Variants in OGFOD2 observed in about 807,000 individuals in gnomAD.
OGFOD2 encodes 2-oxoglutarate and iron-dependent oxygenase domain-containing protein 2.
A neutral mutation model predicts 31.1 loss-of-function variants in OGFOD2; 34 were observed. That is an observed-to-expected ratio of 1.09 (90% CI 0.83 to 1.45). The LOEUF (loss-of-function observed/expected upper bound fraction) is 1.45, where lower values mean the gene tolerates loss of function less well. Ranked by LOEUF, OGFOD2 falls within the 40% of genes most tolerant of loss-of-function variation. The pLI is 0.00. For synonymous variants in OGFOD2, 240 were observed against 192.3 expected, an observed-to-expected ratio of 1.25 and a Z score of -2.05; for missense variants, 537 against 433.9, an observed-to-expected ratio of 1.24 and a Z score of -2.11.
In OGFOD2 at chr12:122,976,056, C is replaced by G. The variant is rs977319403; in HGVS notation, c.189+189C>G. ...GCACCAGGAGAGAGAAGGGGAAATG[C>G]TAAGTTGCTAAGTTGCCTAGTCATG... On this transcript the variant is annotated intron_variant, in intron 2 of 6. Coordinates refer to ENST00000228922, the Ensembl canonical transcript of OGFOD2. 4.2e-5 allele frequency: 25 copies of G among 599,374 alleles called. No individual in the cohort carries two copies. The Admixed American group carries it at 6.2e-4, about 15-fold the overall frequency. The allele number at this position is 599,374 out of a possible 1,614,324, so 37.1% of individuals were successfully genotyped here. A position where few individuals can be genotyped will look rare whatever the true frequency, so the allele number is the denominator to read the frequency against.
exon 7 of OGFOD2, chr12:122,979,333 G>A (rs2037546812): frequency 1.2e-6 from 2 of 1,608,726 alleles, no homozygotes; most frequent in Non-Finnish European, 1.7e-6. Flanking sequence ...GTGGATGTAT[G>A]TGCGCTCACC....
At chr12:122,976,491 C>A in intron 2 of OGFOD2, 163 bp from the exon 3 acceptor site, 1 of 1,448,218 alleles carries the variant, frequency 6.9e-7, no homozygotes, top group Non-Finnish European at 9.7e-7. Flanking sequence ...TTTCAGCTAA[C>A]AGTCTGGAAC....
intron 2 of OGFOD2, 170 bp from the exon 3 acceptor site, chr12:122,976,484 C>A: frequency 6.7e-7 from 1 of 1,485,050 alleles, no homozygotes; most frequent in Non-Finnish European, 9.4e-7. Context: ...AAGTCCCTTT[C>A]AGCTAACAGT....
At chr12:122,977,793 T>TG (rs2037475768) in intron 4 of OGFOD2, 1 of 155,030 alleles carries the variant, frequency 6.5e-6, no homozygotes, top group African/African-American at 2.4e-5. Context: ...CCTCCCAGCC[T>TG]GGGGGTGCTC....
upstream of OGFOD2, chr12:122,975,049 A>G: frequency 2.2e-6 from 1 of 462,930 alleles, no homozygotes; most frequent in Admixed American, 3.6e-5. Context: ...GAAAACTGGG[A>G]GGCGGAACGA....
At chr12:122,975,551 T>C in intron 1 of OGFOD2, 168 bp downstream of exon 1, 2 of 593,442 alleles carry the variant, frequency 3.4e-6, no homozygotes, top group Non-Finnish European at 6.0e-6. Flanking sequence ...GGGGTAATAG[T>C]ATCTCCCTGT....
At chr12:122,975,290 C>G in exon 1 of OGFOD2, 1 of 695,086 alleles carries the variant, frequency 1.4e-6, no homozygotes, top group East Asian at 2.7e-5. Context: ...TCTGCCGCTG[C>G]GCCTGCTTCT....
exon 7 of OGFOD2, chr12:122,979,423 C>A: frequency 1.3e-6 from 2 of 1,484,124 alleles, no homozygotes; most frequent in East Asian, 2.3e-5. Flanking sequence ...AAATAAAATC[C>A]CCGCAGCCTA....
At chr12:122,976,046 AGG>A in intron 2 of OGFOD2, 179 bp downstream of exon 2, 1 of 603,608 alleles carries the variant, frequency 1.7e-6, no homozygotes, top group South Asian at 1.9e-5. Flanking sequence ...AGGAGAGAGA[AGG>A]GGAAATGCTA....
chr12:122,976,306 T>C (rs1405336946), intron 2 of OGFOD2: 1 of 1,448,332 alleles, frequency 6.9e-7, no homozygotes, highest in East Asian at 2.3e-5. Flanking sequence ...CTGGAGTCAG[T>C]GGTGGGAAGC....
At chr12:122,979,178 G>C (rs1386781453) in exon 7 of OGFOD2, 2 of 1,611,642 alleles carry the variant, frequency 1.2e-6, no homozygotes, top group South Asian at 1.1e-5. Context: ...CCCGGCCCTT[G>C]GGCACTGGTG....
chr12:122,979,547 G>A, exon 7 of OGFOD2: 2 of 678,272 alleles, frequency 2.9e-6, no homozygotes, highest in South Asian at 2.1e-5. Flanking sequence ...CAGCGAGGGA[G>A]TCAGGGAAGC....
rs1428186815 is a variant in OGFOD2, at chr12:122,979,179, G to A, written c.886G>A (p.Gly296Ser). The A allele has an allele frequency of 5.0e-6, 8 of 1,611,764 alleles. No individual in the cohort carries two copies. Among genetic ancestry groups the A allele is most frequent in the South Asian group, 3.3e-5 (3 of 91,072 alleles). The change falls in exon 7 of 7, where the codon GGC becomes AGC. Residue 296 changes from glycine to serine, a missense_variant. Coordinates refer to ENST00000228922, the Ensembl canonical transcript of OGFOD2. ...CCAGCTGCATGGAGCCCGGCCCTTG[G>A]GCACTGGTGAGCGTTGGAACCTTGT...
chr12:122,975,262 T>G (rs1594093276), exon 1 of OGFOD2: 2 of 679,758 alleles, frequency 2.9e-6, no homozygotes, highest in African/African-American at 1.8e-5. Context: ...ATGGCGACGG[T>G]GGGGGCTCCG....
Position 122,976,696 on chromosome 12 carries a change from T to G in OGFOD2, c.232T>G (p.Ser78Ala), listed in dbSNP as rs759643522. 27 of 1,612,800 alleles carry G rather than the reference T, an allele frequency of 1.7e-5. No homozygotes were observed. The East Asian group carries it at 6.0e-4, about 36-fold the overall frequency. The change falls in exon 3 of 7, where the codon TCA (serine) becomes GCA (alanine). Residue 78 changes from serine (S) to alanine (A), a missense_variant. Transcript: ENST00000228922. ...GCGGCGGCAGCGGCTGGGGCAGGAG[T>G]CAGCAGCTAGGAAAGCCCTCATCGC...
exon 7 of OGFOD2, chr12:122,979,965 G>T (rs983472355): frequency 5.3e-6 from 2 of 377,112 alleles, no homozygotes; most frequent in African/African-American, 4.1e-5. Flanking sequence ...TGGTGCCTTC[G>T]TTTCCTCATT....
intron 4 of OGFOD2, chr12:122,977,556 G>A (rs1003661460): frequency 5.3e-6 from 1 of 189,512 alleles, no homozygotes; most frequent in Non-Finnish European, 1.1e-5. Context: ...TTCCTCATCT[G>A]TAAAATGGGA....
rs759838024 is a variant in OGFOD2 at position 122,978,518 on chromosome 12, C to G, written c.480C>G (p.Phe160Leu). ...CCCTGCTGGAAGAGCTGGAGCACTT[C>G]GAGCAATCGGACATGCCTAAGGGGA... is the stretch of plus-strand genomic sequence containing the variant. Residue 160 changes from phenylalanine (F) to leucine (L), a missense_variant, in exon 5 of 7, where the codon TTC (phenylalanine) becomes TTG (leucine). Transcript: ENST00000228922. 2.5e-5 allele frequency: 40 copies of G among 1,613,498 alleles called. No homozygotes were observed. The highest frequency in any genetic ancestry group is 3.2e-5 in the Non-Finnish European group (38 of 1,179,990).
At position 122,976,980 on chromosome 12, in the gene OGFOD2, T is replaced by C. The variant is rs2037453290; in HGVS notation, c.403+10T>C. The C allele has an allele frequency of 4.3e-6, 7 of 1,611,554 alleles. No individual in the cohort carries two copies. In the African/African-American group the frequency reaches 9.3e-5, roughly 21 times the overall value. On this transcript the variant is annotated intron_variant, in intron 4 of 6. Transcript: ENST00000228922. ...CTGGAGACAGTATCGGGTGAGGTCCTGGCCCTGAGACCTGGCAGGACCAGG... is the reference window on the plus strand; with the variant it reads ...CTGGAGACAGTATCGGGTGAGGTCCCGGCCCTGAGACCTGGCAGGACCAGG...
Sources: gnomAD v4.1 joint callset for allele counts on GRCh38, gnomAD v4.1.1 for gene constraint, MANE v1.5 for transcripts, NCBI Gene and HGNC (gene_info 2026-07-23, HGNC 2026-07-21) for gene names.